QRICH1: variants seen among roughly 807,000 people sequenced by gnomAD.
QRICH1 encodes the protein glutamine rich 1.
A neutral mutation model predicts 87.1 loss-of-function variants in QRICH1; 16 were observed. The observed-to-expected ratio is 0.18, with a 90% confidence interval of 0.12 to 0.28. The LOEUF (loss-of-function observed/expected upper bound fraction) is 0.28. QRICH1 is among the 10% of genes least tolerant of loss of function. The pLI is 1.00. For missense variants in QRICH1, 647 were observed against 951.7 expected, an observed-to-expected ratio of 0.68 and a Z score of 4.21; for synonymous variants, 367 against 368.4, an observed-to-expected ratio of 1.00 and a Z score of 0.05.
intron 2 of QRICH1, among the ~76,000 whole-genome samples, chr3:49,074,031 C>T (rs2041901336): frequency 2.6e-5 from 4 of 152,088 alleles, no homozygotes; most frequent in Admixed American, 6.6e-5. Flanking sequence ...ATCCGTCCAC[C>T]TTGGCATCCC....
chr3:49,069,083 TTTATTATTATTA>T (rs201912574), intron 2 of QRICH1, among the ~76,000 whole-genome samples: 1 of 139,416 alleles, frequency 7.2e-6, no homozygotes, highest in East Asian at 2.1e-4. Context: ...AAGTAGAAAA[TTTATTATTATTA>T]TTATTATTAT....
intron 6 of QRICH1, among the ~76,000 whole-genome samples, chr3:49,040,694 G>C (rs541123247): frequency 6.6e-6 from 1 of 152,188 alleles, no homozygotes; most frequent in South Asian, 2.1e-4. Context: ...ATTAAAACTC[G>C]GATATTTGCG....
intron 3 of QRICH1, 61 bp downstream of exon 3, chr3:49,056,801 C>G: frequency 1.2e-6 from 2 of 1,612,114 alleles, no homozygotes; most frequent in South Asian, 1.1e-5. Context: ...GAGGCAAGCT[C>G]TGTGCTGCAC....
At chr3:49,073,123 G>A (rs568348865) in intron 2 of QRICH1, among the ~76,000 whole-genome samples, 1 of 152,206 alleles carries the variant, frequency 6.6e-6, no homozygotes, top group South Asian at 2.1e-4. Flanking sequence ...TCTCCAGCAT[G>A]TTTCAGTCCC....
At chr3:49,088,204 C>T (rs2042206782) in intron 1 of QRICH1, among the ~76,000 whole-genome samples, 1 of 152,186 alleles carries the variant, frequency 6.6e-6, no homozygotes, top group South Asian at 2.1e-4. Context: ...CTGCCCGCCT[C>T]GGCCTCCCAA....
intron 2 of QRICH1, among the ~76,000 whole-genome samples, chr3:49,058,345 T>TC (rs1426909442): frequency 2.6e-5 from 4 of 151,572 alleles, no homozygotes; most frequent in Non-Finnish European, 1.5e-5. Context: ...TTTTTTTTTT[T>TC]CCCCAAATTC....
At chr3:49,072,516 A>T (rs1575368020) in intron 2 of QRICH1, among the ~76,000 whole-genome samples, 1 of 148,104 alleles carries the variant, frequency 6.8e-6, no homozygotes, top group Non-Finnish European at 1.5e-5. Flanking sequence ...ACAGAATGAG[A>T]CCCTGTCTCC....
At chr3:49,039,095 G>A (rs1296220448) in intron 6 of QRICH1, among the ~76,000 whole-genome samples, 3 of 152,068 alleles carry the variant, frequency 2.0e-5, no homozygotes, top group Non-Finnish European at 2.9e-5. Context: ...AGTGGCTCAC[G>A]CCTATAATCC....
At position 49,052,303 on chromosome 3, in the gene QRICH1, T is replaced by C. The variant is rs550904688; in HGVS notation, c.1338+4559A>G. Among the ~76,000 whole-genome samples the C allele has an allele frequency of 5.3e-5, 8 of 152,202 alleles. No individual in the cohort carries two copies. In the South Asian group the frequency reaches 1.0e-3, roughly 20 times the overall value. ...GCACTACTTTCTGAGACAAGGAAGT[T>C]TGACAGTTTTAGAAATGGTGCCAAT... On this transcript the variant is annotated intron_variant, in intron 3 of 9. Coordinates refer to ENST00000395443, the MANE Select transcript of QRICH1 (RefSeq NM_198880.3).
Position 49,093,921 on chromosome 3 carries a change from T to C in QRICH1, c.-31A>G. 1 of 348,692 alleles carries C rather than the reference T, an allele frequency of 2.9e-6. No individual in the cohort carries two copies. Among genetic ancestry groups the C allele is most frequent in the Non-Finnish European group, 5.1e-6 (1 of 197,248 alleles). 21.6% of individuals were successfully genotyped at this position (348,692 alleles called of 1,614,324 possible). ...GCACTGGAGCCCTCACCCGGCGACGTCACTGCCGCCGCCGCCGCCGCCTCC... is the reference window on the plus strand; with the variant it reads ...GCACTGGAGCCCTCACCCGGCGACGCCACTGCCGCCGCCGCCGCCGCCTCC... On this transcript the variant is annotated 5_prime_UTR_variant, in exon 1 of 10. Transcript: ENST00000395443.
At chr3:49,091,109 G>A (rs888187962) in intron 1 of QRICH1, among the ~76,000 whole-genome samples, 1 of 152,186 alleles carries the variant, frequency 6.6e-6, no homozygotes, top group Non-Finnish European at 1.5e-5. Flanking sequence ...TGCAGTCCCA[G>A]CTACTCCGGA....
At chr3:49,047,352 T>C in intron 3 of QRICH1, 106 bp from the exon 4 acceptor site, 1 of 1,103,092 alleles carries the variant, frequency 9.1e-7, no homozygotes, top group Non-Finnish European at 1.3e-6. Context: ...TAAGAAAATA[T>C]TTCTCTACTC....
At chr3:49,033,968 CAGAGCG>C (rs201614713) in intron 6 of QRICH1, 19,500 of 151,490 alleles carry the variant, frequency 0.13, 1,408 homozygotes, top group Middle Eastern at 0.17. Flanking sequence ...GCCTCGGCAA[CAGAGCG>C]AGACTCCCAT....
At chr3:49,053,112 A>G (rs2093380844) in intron 3 of QRICH1, among the ~76,000 whole-genome samples, 1 of 152,082 alleles carries the variant, frequency 6.6e-6, no homozygotes, top group Non-Finnish European at 1.5e-5. Flanking sequence ...AGAGGAGGAG[A>G]AGGCACCGGT....
At chr3:49,048,593 C>A (rs2093352301) in intron 3 of QRICH1, among the ~76,000 whole-genome samples, 1 of 151,126 alleles carries the variant, frequency 6.6e-6, no homozygotes, top group South Asian at 2.1e-4. Flanking sequence ...CTGAGACCAT[C>A]CTGGCTAACA....
chr3:49,069,107 AT>A (rs57230454), intron 2 of QRICH1, among the ~76,000 whole-genome samples: 6,548 of 123,932 alleles, frequency 0.053, 562 homozygotes, highest in African/African-American at 0.18. Context: ...TATTATTATT[AT>A]TTTTTTTTTT....
At chr3:49,033,074 C>A (rs758209984) in intron 7 of QRICH1, 46 bp downstream of exon 7, 1 of 1,353,266 alleles carries the variant, frequency 7.4e-7, no homozygotes, top group Non-Finnish European at 9.9e-7. Flanking sequence ...AGCTTCCACA[C>A]TCTTCACTGG....
chr3:49,032,729 AAG>A lies in QRICH1; in HGVS notation c.1938_1939del (p.Phe647LeufsTer13). 6.2e-7 allele frequency: 1 copy of A among 1,610,526 alleles called. No individual in the cohort carries two copies. On this transcript the variant is annotated frameshift_variant, in exon 8 of 10. Coordinates refer to ENST00000395443, the MANE Select transcript of QRICH1 (RefSeq NM_198880.3). LOFTEE classifies it high-confidence loss of function. ...CTTTGTCTGTCGCAAGACCTTGGAG[AAG>A]GCCAGCTTCATGTGCTGGTCCACTG...
At chr3:49,032,469 A>G (rs911937621) in intron 8 of QRICH1, 153 bp downstream of exon 8, 2 of 1,074,708 alleles carry the variant, frequency 1.9e-6, no homozygotes, top group East Asian at 2.5e-5. Flanking sequence ...TTCTAGGAGG[A>G]AAGTTTGGAA....
Sources: allele counts gnomAD v4.1 joint callset (sites outside exome capture counted in the v4.1 genomes callset), GRCh38; gene constraint gnomAD v4.1.1; transcripts MANE v1.5; gene names NCBI Gene and HGNC (gene_info 2026-07-23, HGNC 2026-07-21).